GRIK2: variants seen among roughly 807,000 people sequenced by gnomAD.
The protein encoded by GRIK2 is glutamate ionotropic receptor kainate type subunit 2.
GRIK2 carries 32 observed loss-of-function variants against 100.3 expected under a neutral mutation model. The ratio of observed to expected loss-of-function variants is 0.32; its 90% CI spans 0.24 to 0.43. GRIK2 has a LOEUF of 0.43. Among genes scored for constraint, GRIK2 ranks in the 20% least tolerant of loss-of-function variants. The probability of loss-of-function intolerance (pLI) is 1.00; values close to 1 mark genes in which losing one functional copy is unlikely to be tolerated. For missense variants in GRIK2, 843 were observed against 1,114.9 expected (o/e 0.76, Z 3.47); for synonymous variants, 417 against 389.4 (o/e 1.07, Z -0.83).
At chr6:101,745,224 T>C (rs1776351051) in intron 7 of GRIK2, 1 of 152,164 alleles carries the variant, frequency 6.6e-6, no homozygotes, top group African/African-American at 2.4e-5. Flanking sequence ...AAAGGATAAC[T>C]ATTGGTAGCG....
chr6:101,553,580 G>A (rs1776609584), intron 2 of GRIK2, among the ~76,000 whole-genome samples: 1 of 152,136 alleles, frequency 6.6e-6, no homozygotes, highest in African/African-American at 2.4e-5. Flanking sequence ...ATCACAGGGA[G>A]TTTAAACCCA....
At chr6:101,569,319 G>T (rs1490138046) in intron 2 of GRIK2, among the ~76,000 whole-genome samples, 1 of 151,504 alleles carries the variant, frequency 6.6e-6, no homozygotes, top group African/African-American at 2.4e-5. Context: ...AGTCTCAAAA[G>T]GTATTTTTAA....
Position 101,818,251 on chromosome 6 carries a change from C to T in GRIK2, c.1204-119C>T, listed in dbSNP as rs145583515. On this transcript the variant is annotated intron_variant, in intron 9 of 16. Coordinates refer to ENST00000369134, the MANE Select transcript of GRIK2 (RefSeq NM_021956.5). ...TTTAAACAAGCTGCCTTTACTTTAACGGCAGCAGACAATGCAGCAAAGGTG... is the reference window on the plus strand; with the variant it reads ...TTTAAACAAGCTGCCTTTACTTTAATGGCAGCAGACAATGCAGCAAAGGTG... 1,842 of 609,498 alleles carry T rather than the reference C, an allele frequency of 3.0e-3. 25 individuals carry two copies. In the African/African-American group the frequency reaches 0.03, roughly 10 times the overall value. The allele number at this position is 609,498 out of a possible 1,614,324, so 37.8% of individuals were successfully genotyped here.
At chr6:101,777,407 A>T (rs1398504410) in intron 7 of GRIK2, among the ~76,000 whole-genome samples, 1 of 152,146 alleles carries the variant, frequency 6.6e-6, no homozygotes, top group Non-Finnish European at 1.5e-5. Context: ...TGCAAGGGAG[A>T]TCCCAAGGTC....
chr6:101,486,662 A>T (rs553245595), intron 2 of GRIK2, among the ~76,000 whole-genome samples: 3 of 152,244 alleles, frequency 2.0e-5, no homozygotes, highest in South Asian at 4.2e-4. Flanking sequence ...AATTTTATCA[A>T]ATCTGTTTCC....
At chr6:101,859,601 T>C (rs141976665) in intron 11 of GRIK2, 108 bp downstream of exon 11, 1 of 664,158 alleles carries the variant, frequency 1.5e-6, no homozygotes, top group South Asian at 1.8e-5. Flanking sequence ...ATTTCAAGCA[T>C]GTATTTCCTT....
chr6:101,830,600 A>G (rs1582325403), intron 10 of GRIK2, among the ~76,000 whole-genome samples: 1 of 152,088 alleles, frequency 6.6e-6, no homozygotes, highest in Non-Finnish European at 1.5e-5. Context: ...GCCAACAAGC[A>G]TATGAACAAA....
chr6:101,486,769 T>C (rs1191109242), intron 2 of GRIK2, among the ~76,000 whole-genome samples: 1 of 148,044 alleles, frequency 6.8e-6, no homozygotes, highest in Non-Finnish European at 1.5e-5. Flanking sequence ...TACTTGCACG[T>C]GTAAGATTCT....
At chr6:101,594,646 A>G (rs1327257374) in intron 2 of GRIK2, among the ~76,000 whole-genome samples, 1 of 151,830 alleles carries the variant, frequency 6.6e-6, no homozygotes, top group East Asian at 1.9e-4. Context: ...AATGAAGAAC[A>G]AAACAAAATT....
At chr6:101,786,716 A>T (rs1779444539) in intron 7 of GRIK2, among the ~76,000 whole-genome samples, 1 of 152,104 alleles carries the variant, frequency 6.6e-6, no homozygotes, top group Non-Finnish European at 1.5e-5. Context: ...GGATTTTTAC[A>T]TCTATGTTCA....
intron 14 of GRIK2, among the ~76,000 whole-genome samples, chr6:101,989,450 G>T (rs180757299): frequency 7.4e-4 from 112 of 151,732 alleles, no homozygotes; most frequent in African/African-American, 2.0e-3. Flanking sequence ...TAAAGCATTA[G>T]ATTTTTAAAT....
chr6:101,592,721 T>A (rs1013052926), intron 2 of GRIK2, among the ~76,000 whole-genome samples: 3 of 150,378 alleles, frequency 2.0e-5, no homozygotes, highest in Non-Finnish European at 4.4e-5. Flanking sequence ...TAGGATTGAA[T>A]TGAAGCAAAA....
At chr6:101,570,168 T>A (rs1777464048) in intron 2 of GRIK2, among the ~76,000 whole-genome samples, 1 of 152,100 alleles carries the variant, frequency 6.6e-6, no homozygotes, top group Admixed American at 6.6e-5. Context: ...GTCCTCCCAC[T>A]TCCATGATCT....
chr6:101,793,555 C>T (rs552289861), intron 7 of GRIK2, among the ~76,000 whole-genome samples: 26 of 152,236 alleles, frequency 1.7e-4, no homozygotes, highest in African/African-American at 4.1e-4. Context: ...GCTGTCTGAT[C>T]GTTCCTCTGG....
intron 12 of GRIK2, among the ~76,000 whole-genome samples, chr6:101,891,087 A>G (rs1787033600): frequency 6.6e-6 from 1 of 151,550 alleles, no homozygotes; most frequent in Non-Finnish European, 1.5e-5. Context: ...TTTATCAGTA[A>G]GGGTATTTGT....
chr6:101,979,173 A>T (rs1019198457), intron 14 of GRIK2, among the ~76,000 whole-genome samples: 7 of 152,016 alleles, frequency 4.6e-5, no homozygotes, highest in African/African-American at 1.7e-4. Flanking sequence ...GGACTGAAAG[A>T]TTGTTGGAAA....
At chr6:101,984,014 T>G (rs1451680554) in intron 14 of GRIK2, among the ~76,000 whole-genome samples, 1 of 151,706 alleles carries the variant, frequency 6.6e-6, no homozygotes, top group East Asian at 1.9e-4. Context: ...AAAAGCAAAC[T>G]AAGTAATTTC....
intron 14 of GRIK2, among the ~76,000 whole-genome samples, chr6:101,994,673 A>C (rs1794557502): frequency 6.6e-6 from 1 of 151,984 alleles, no homozygotes; most frequent in East Asian, 1.9e-4. Flanking sequence ...TAGCACTGGA[A>C]TTTAGGATTC....
chr6:101,775,498 C>T (rs1260131829), intron 7 of GRIK2, among the ~76,000 whole-genome samples: 2 of 150,844 alleles, frequency 1.3e-5, no homozygotes, highest in Admixed American at 6.6e-5. Context: ...CATGTAGAGA[C>T]AAAAATCTTT....
Sources: gnomAD v4.1 joint callset for allele counts (sites outside exome capture counted in the v4.1 genomes callset) on GRCh38, gnomAD v4.1.1 for gene constraint, MANE v1.5 for transcripts, NCBI Gene and HGNC (gene_info 2026-07-23, HGNC 2026-07-21) for gene names.